Variants in S100A13 observed in about 807,000 individuals in gnomAD.
S100A13 encodes protein S100-A13.
Under a neutral mutation model 8.2 loss-of-function variants are expected in S100A13, and 6 were observed. The ratio of observed to expected loss-of-function variants is 0.73; its 90% confidence interval spans 0.40 to 1.44. The LOEUF (loss-of-function observed/expected upper bound fraction) is 1.44. S100A13 is among the 40% of genes most tolerant of loss of function. S100A13 has a pLI of 0.02. For missense variants in S100A13, 114 were observed against 113.6 expected (o/e 1.00, Z -0.02); for synonymous variants, 39 against 45.9 (o/e 0.85, Z 0.61).
upstream of S100A13, chr1:153,634,336 T>G (rs981090882): frequency 2.0e-5 from 3 of 152,898 alleles, no homozygotes; most frequent in Non-Finnish European, 4.4e-5. Context: ...TGGCGTCTGT[T>G]TCCTTCGGTG....
At chr1:153,624,939 G>A (rs1667511549) in intron 2 of S100A13, among the ~76,000 whole-genome samples, 1 of 152,178 alleles carries the variant, frequency 6.6e-6, no homozygotes, top group Non-Finnish European at 1.5e-5. Flanking sequence ...TCCAGGCATG[G>A]TGGCGGTTGC....
At chr1:153,622,084 T>C (rs929652319) in intron 2 of S100A13, among the ~76,000 whole-genome samples, 3 of 152,046 alleles carry the variant, frequency 2.0e-5, no homozygotes, top group African/African-American at 7.3e-5. Flanking sequence ...AAATTAAAAA[T>C]GAAAGCTGGT....
chr1:153,630,874 G>A (rs943552132), upstream of S100A13: 10 of 581,554 alleles, frequency 1.7e-5, no homozygotes, highest in Admixed American at 2.2e-4. Flanking sequence ...TAAGTGTTAG[G>A]CCCTGTGTAG....
chr1:153,631,698 G>C, upstream of S100A13: 1 of 1,614,002 alleles, frequency 6.2e-7, no homozygotes, highest in East Asian at 2.2e-5. Flanking sequence ...CCCACCACAG[G>C]CCCAGAAGGA....
intron 2 of S100A13, among the ~76,000 whole-genome samples, chr1:153,619,458 G>A (rs547168727): frequency 1.3e-5 from 2 of 152,326 alleles, no homozygotes; most frequent in South Asian, 2.1e-4. Context: ...GCCTTCTGGG[G>A]CCACCCTCCT....
upstream of S100A13, chr1:153,631,637 C>T (rs537270712): frequency 1.2e-6 from 2 of 1,613,508 alleles, no homozygotes; most frequent in Admixed American, 3.3e-5. Context: ...CACCCCCTTG[C>T]CTCTGACTCA....
At chr1:153,631,287 C>A (rs1667996216), upstream of S100A13, 1 of 654,338 alleles carries the variant, frequency 1.5e-6, no homozygotes, top group Non-Finnish European at 2.6e-6. Context: ...GGACTGGGTT[C>A]AAATTCCAGC....
chr1:153,631,009 A>C (rs553419481), upstream of S100A13: 1 of 339,446 alleles, frequency 2.9e-6, no homozygotes, highest in African/African-American at 2.1e-5. Context: ...GAGATTATTA[A>C]CCTGATTGAA....
intron 1 of S100A13, 126 bp from the exon 2 acceptor site, chr1:153,626,659 G>C (rs1037527951): frequency 6.6e-5 from 37 of 560,508 alleles, no homozygotes; most frequent in Middle Eastern, 4.8e-4. Flanking sequence ...TGGGGAAAGA[G>C]GGAGAGGACA....
At chr1:153,621,972 C>T (rs1267066971) in intron 2 of S100A13, among the ~76,000 whole-genome samples, 2 of 152,108 alleles carry the variant, frequency 1.3e-5, no homozygotes, top group Non-Finnish European at 2.9e-5. Context: ...AAAGTAAAAG[C>T]TCAATAACAC....
At chr1:153,628,765 G>A (rs1019755511), upstream of S100A13, 40 of 506,906 alleles carry the variant, frequency 7.9e-5, no homozygotes, top group Admixed American at 1.4e-4. Context: ...CTTCCTGACC[G>A]CCTGGCCCTC....
chr1:153,634,071 G>A (rs1451425924), upstream of S100A13: 1 of 152,776 alleles, frequency 6.5e-6, no homozygotes, highest in Non-Finnish European at 1.5e-5. Flanking sequence ...TGGACGTGGC[G>A]GCCATTTTGT....
chr1:153,631,720 T>G, upstream of S100A13: 5 of 1,614,186 alleles, frequency 3.1e-6, no homozygotes, highest in Non-Finnish European at 4.2e-6. Flanking sequence ...GTGGATGCTG[T>G]GGACAAGGTG....
chr1:153,628,579 G>A, upstream of S100A13: 2 of 1,530,306 alleles, frequency 1.3e-6, no homozygotes, highest in Non-Finnish European at 1.8e-6. Flanking sequence ...AAGAGGCTGG[G>A]GACCATAGCA....
upstream of S100A13, among the ~76,000 whole-genome samples, chr1:153,633,716 G>A (rs746989976): frequency 1.3e-5 from 2 of 152,222 alleles, no homozygotes; most frequent in Non-Finnish European, 2.9e-5. Context: ...AGAAGACGAG[G>A]CAAGTCCGCG....
intron 2 of S100A13, among the ~76,000 whole-genome samples, chr1:153,621,067 A>T (rs1324438703): frequency 1.3e-5 from 2 of 151,972 alleles, no homozygotes; most frequent in Non-Finnish European, 2.9e-5. Flanking sequence ...ATAAACATAT[A>T]TTTTTCTTAA....
intron 2 of S100A13, among the ~76,000 whole-genome samples, chr1:153,622,332 C>T (rs1000918441): frequency 6.6e-6 from 1 of 152,202 alleles, no homozygotes; most frequent in African/African-American, 2.4e-5. Context: ...GATCATGCCA[C>T]TGCACTCCAG....
chr1:153,630,331 A>C, upstream of S100A13: 1 of 725,522 alleles, frequency 1.4e-6, no homozygotes, highest in Non-Finnish European at 2.2e-6. Context: ...GCCTGCACTT[A>C]GGTCTCTTGG....
intron 2 of S100A13, among the ~76,000 whole-genome samples, chr1:153,622,913 G>GC (rs1667361042): frequency 6.6e-6 from 1 of 152,050 alleles, no homozygotes; most frequent in African/African-American, 2.4e-5. Context: ...ACGTACAGAG[G>GC]CCCTGTCTCT....
Sources: allele counts gnomAD v4.1 joint callset (sites outside exome capture counted in the v4.1 genomes callset), GRCh38; gene constraint gnomAD v4.1.1; transcripts MANE v1.5; gene names NCBI Gene and HGNC (gene_info 2026-07-23, HGNC 2026-07-21).